The following TMTC2 variants were observed in gnomAD, a reference collection of about 807,000 sequenced individuals.
TMTC2 encodes transmembrane O-mannosyltransferase targeting cadherins 2, also known as protein O-mannosyl-transferase TMTC2.
In TMTC2, 43 loss-of-function variants were observed where a neutral mutation model predicts 82.4. That is an observed-to-expected ratio of 0.52 (90% CI 0.41 to 0.67). TMTC2 has a LOEUF of 0.67. TMTC2 is among the 30% of genes least tolerant of loss of function. The probability of loss-of-function intolerance (pLI) is 0.00; values close to 1 mark genes in which losing one functional copy is unlikely to be tolerated. For synonymous variants in TMTC2, 408 were observed against 381.9 expected (o/e 1.07, Z -0.80); for missense variants, 919 against 1,012.4 (o/e 0.91, Z 1.25).
chr12:82,982,297 T>C (rs1878952385), intron 7 of TMTC2, among the ~76,000 whole-genome samples: 1 of 151,930 alleles, frequency 6.6e-6, no homozygotes, highest in Non-Finnish European at 1.5e-5. Flanking sequence ...TATTCCACCC[T>C]CTATCAAGGA....
At chr12:83,010,622 T>C (rs1348013061) in intron 8 of TMTC2, among the ~76,000 whole-genome samples, 4 of 152,174 alleles carry the variant, frequency 2.6e-5, no homozygotes, top group Non-Finnish European at 5.9e-5. Context: ...ATAGTCATTG[T>C]CTCAGTAATT....
In TMTC2 at chr12:83,132,613, C is replaced by T. The variant is rs1438868614; in HGVS notation, c.*224C>T. 3.8e-6 allele frequency: 2 copies of T among 522,934 alleles called. No individual in the cohort carries two copies. The highest frequency in any genetic ancestry group is 2.7e-5 in the South Asian group (1 of 36,736). 32.4% of individuals were successfully genotyped at this position (522,934 alleles called of 1,614,324 possible). A position where few individuals can be genotyped will look rare whatever the true frequency, so the allele number is the denominator to read the frequency against. ...ACCTCCTGGAGGATGTCATTGTTAC[C>T]CATAGACTGTAAACCAGAGCACTTA... On this transcript the variant is annotated 3_prime_UTR_variant, in exon 12 of 12. Transcript: ENST00000321196.
intron 6 of TMTC2, among the ~76,000 whole-genome samples, chr12:82,966,440 A>G (rs980582747): frequency 1.3e-5 from 2 of 152,072 alleles, no homozygotes; most frequent in East Asian, 1.9e-4. Context: ...TATTAAAACT[A>G]TACTATAAGG....
At chr12:83,046,100 C>T (rs146285295) in intron 9 of TMTC2, among the ~76,000 whole-genome samples, 247 of 152,174 alleles carry the variant, frequency 1.6e-3, no homozygotes, top group Middle Eastern at 6.8e-3. Flanking sequence ...TAAAACATGC[C>T]TCGGTATCTC....
intron 3 of TMTC2, among the ~76,000 whole-genome samples, chr12:82,897,982 G>C (rs1565799213): frequency 6.6e-6 from 1 of 151,254 alleles, no homozygotes; most frequent in African/African-American, 2.4e-5. Flanking sequence ...TATATATAAA[G>C]ACCTAGATAC....
intron 2 of TMTC2, among the ~76,000 whole-genome samples, chr12:82,869,284 T>G (rs1206322693): frequency 2.6e-5 from 4 of 152,054 alleles, no homozygotes; most frequent in Admixed American, 2.6e-4. Flanking sequence ...GAATAAGAAT[T>G]TTTTGGTCTA....
chr12:83,068,668 G>T (rs374490349), intron 11 of TMTC2, among the ~76,000 whole-genome samples: 201 of 151,712 alleles, frequency 1.3e-3, no homozygotes, highest in African/African-American at 4.7e-3. Flanking sequence ...ACTTTGACTG[G>T]TTTTTTCAGT....
intron 4 of TMTC2, among the ~76,000 whole-genome samples, chr12:82,955,851 C>T (rs192489273): frequency 6.6e-6 from 1 of 152,116 alleles, no homozygotes; most frequent in Admixed American, 6.5e-5. Context: ...TTTAAAAATG[C>T]TGTAATAATA....
intron 2 of TMTC2, among the ~76,000 whole-genome samples, chr12:82,882,650 A>G (rs1210291282): frequency 6.6e-6 from 1 of 152,142 alleles, no homozygotes; most frequent in African/African-American, 2.4e-5. Context: ...ACGAAGCCCA[A>G]GTAAGTGCCA....
chr12:82,713,331 A>AC (rs1873730697), intron 1 of TMTC2, among the ~76,000 whole-genome samples: 1 of 150,608 alleles, frequency 6.6e-6, no homozygotes, highest in African/African-American at 2.4e-5. Flanking sequence ...AAAAAGAAAA[A>AC]CAAAAAAAAA....
chr12:82,688,674 T>G (rs1872445459), intron 1 of TMTC2, among the ~76,000 whole-genome samples: 1 of 152,156 alleles, frequency 6.6e-6, no homozygotes, highest in Admixed American at 6.5e-5. Context: ...TCCTGGGGTG[T>G]TTCATGCTCC....
chr12:83,129,854 C>T, intron 11 of TMTC2, among the ~76,000 whole-genome samples: 1 of 152,214 alleles, frequency 6.6e-6, no homozygotes, highest in East Asian at 1.9e-4. Flanking sequence ...CCTCACCCAA[C>T]TTGTTCAAGT....
chr12:82,701,364 C>T (rs1873069601), intron 1 of TMTC2, among the ~76,000 whole-genome samples: 2 of 151,970 alleles, frequency 1.3e-5, no homozygotes, highest in Admixed American at 1.3e-4. Context: ...TGTTTGAATC[C>T]TTTTCTGGGA....
intron 2 of TMTC2, among the ~76,000 whole-genome samples, chr12:82,877,228 T>G (rs1249366471): frequency 2.0e-5 from 3 of 152,212 alleles, no homozygotes; most frequent in African/African-American, 7.2e-5. Flanking sequence ...TCTTGAGAGA[T>G]ATTTAAAAAT....
chr12:82,951,954 A>G (rs1045420996), intron 4 of TMTC2, among the ~76,000 whole-genome samples: 2 of 152,166 alleles, frequency 1.3e-5, no homozygotes, highest in African/African-American at 4.8e-5. Flanking sequence ...AATATGAGTA[A>G]TGAGAATTCT....
At chr12:82,815,868 T>A (rs2137055648) in intron 1 of TMTC2, among the ~76,000 whole-genome samples, 1 of 152,196 alleles carries the variant, frequency 6.6e-6, no homozygotes, top group East Asian at 1.9e-4. Context: ...AAAGGATAAA[T>A]CTTCACAGGT....
chr12:82,722,740 TCAA>T (rs1874274039), intron 1 of TMTC2, among the ~76,000 whole-genome samples: 2 of 152,204 alleles, frequency 1.3e-5, no homozygotes, highest in Non-Finnish European at 1.5e-5. Context: ...AGACTCCCTC[TCAA>T]CAACAACAAT....
intron 1 of TMTC2, among the ~76,000 whole-genome samples, chr12:82,839,198 A>G (rs1325273123): frequency 6.6e-6 from 1 of 152,222 alleles, no homozygotes; most frequent in East Asian, 1.9e-4. Context: ...CATTAGAAAG[A>G]TTGAACTTCT....
At chr12:82,876,028 CGGTGGTGGTGGTGGT>C (rs748180026) in intron 2 of TMTC2, among the ~76,000 whole-genome samples, 23 of 83,482 alleles carry the variant, frequency 2.8e-4, no homozygotes, top group African/African-American at 1.1e-3. Flanking sequence ...GTAGTGGTGG[CGGTGGTGGTGGTGGT>C]GGTGGTGGTG....
Sources: gnomAD v4.1 joint callset for allele counts (sites outside exome capture counted in the v4.1 genomes callset) on GRCh38, gnomAD v4.1.1 for gene constraint, MANE v1.5 for transcripts, NCBI Gene and HGNC (gene_info 2026-07-23, HGNC 2026-07-21) for gene names.